The following AFG2A variants were observed in gnomAD, a reference collection of about 807,000 sequenced individuals.
AFG2A encodes ATPase family gene 2 protein homolog A.
the AFG2A span, among the ~76,000 whole-genome samples, chr4:123,105,616 G>A: frequency 1.3e-5 from 2 of 152,016 alleles, no homozygotes; most frequent in Non-Finnish European, 2.9e-5. Context: ...GTGAAAATAC[G>A]TCAACTTTAA....
At chr4:123,272,185 A>T in the AFG2A span, among the ~76,000 whole-genome samples, 3 of 152,152 alleles carry the variant, frequency 2.0e-5, no homozygotes, top group Non-Finnish European at 4.4e-5. Flanking sequence ...ACTGGTAGAA[A>T]ATGTTTTGCT....
At chr4:123,242,515 A>C in the AFG2A span, among the ~76,000 whole-genome samples, 1 of 152,248 alleles carries the variant, frequency 6.6e-6, no homozygotes, top group African/African-American at 2.4e-5. Flanking sequence ...TCCCTATTTA[A>C]TACATGGTGC....
chr4:123,004,106 C>G, the AFG2A span, among the ~76,000 whole-genome samples: 1 of 152,338 alleles, frequency 6.6e-6, no homozygotes, highest in South Asian at 2.1e-4. Context: ...GTAGGACCCT[C>G]TGAGCCAGGT....
At chr4:123,077,153 T>C in the AFG2A span, among the ~76,000 whole-genome samples, 2 of 150,628 alleles carry the variant, frequency 1.3e-5, no homozygotes, top group African/African-American at 4.9e-5. Context: ...GTTCACACCA[T>C]TGTCTTGCCT....
chr4:123,007,528 CTA>C, the AFG2A span, among the ~76,000 whole-genome samples: 90 of 136,788 alleles, frequency 6.6e-4, no homozygotes, highest in Non-Finnish European at 9.0e-4. Flanking sequence ...TTCTCCATGC[CTA>C]TATATATATA....
At chr4:123,022,356 C>T in the AFG2A span, among the ~76,000 whole-genome samples, 1 of 152,096 alleles carries the variant, frequency 6.6e-6, no homozygotes, top group South Asian at 2.1e-4. Context: ...CAAACAACCC[C>T]ATCAAAAAGT....
the AFG2A span, among the ~76,000 whole-genome samples, chr4:123,166,648 T>G: frequency 9.8e-5 from 15 of 152,320 alleles, no homozygotes; most frequent in Non-Finnish European, 2.2e-4. Context: ...ACTCAGCTCT[T>G]AATTGCCAAG....
the AFG2A span, among the ~76,000 whole-genome samples, chr4:122,944,614 C>T: frequency 6.6e-6 from 1 of 152,204 alleles, no homozygotes; most frequent in Admixed American, 6.5e-5. Flanking sequence ...GTTTGATCGT[C>T]TGAAGCCTTC....
chr4:123,006,291 T>G, the AFG2A span, among the ~76,000 whole-genome samples: 1 of 152,118 alleles, frequency 6.6e-6, no homozygotes, highest in Non-Finnish European at 1.5e-5. Context: ...CTTGTCTATA[T>G]AACATGTCCC....
At chr4:122,977,767 G>A in the AFG2A span, among the ~76,000 whole-genome samples, 1 of 152,240 alleles carries the variant, frequency 6.6e-6, no homozygotes. Context: ...AGGCAGAGAG[G>A]AGCTTCATTG....
At chr4:123,258,858 CTTTT>C in the AFG2A span, among the ~76,000 whole-genome samples, 989 of 90,278 alleles carry the variant, frequency 0.011, 8 homozygotes, top group African/African-American at 0.044. Flanking sequence ...GATACTGGTA[CTTTT>C]TTTTTTTTTT....
the AFG2A span, among the ~76,000 whole-genome samples, chr4:123,116,342 ATG>A: frequency 6.6e-6 from 1 of 152,250 alleles, no homozygotes; most frequent in Non-Finnish European, 1.5e-5. Context: ...CAAGCAGTGA[ATG>A]AGCTACACAG....
At chr4:123,072,844 G>A in the AFG2A span, among the ~76,000 whole-genome samples, 2 of 152,050 alleles carry the variant, frequency 1.3e-5, no homozygotes, top group South Asian at 4.2e-4. Flanking sequence ...TTCTTTCCTA[G>A]GGATAGAGAT....
At chr4:123,263,739 G>A in the AFG2A span, among the ~76,000 whole-genome samples, 1 of 152,106 alleles carries the variant, frequency 6.6e-6, no homozygotes, top group East Asian at 1.9e-4. Context: ...TGCTAAAAAG[G>A]GGACATCGTT....
At chr4:123,251,158 A>G in the AFG2A span, among the ~76,000 whole-genome samples, 1 of 152,190 alleles carries the variant, frequency 6.6e-6, no homozygotes, top group Non-Finnish European at 1.5e-5. Context: ...GCTGACATGT[A>G]TGCTGTATAT....
At chr4:123,075,827 C>T in the AFG2A span, among the ~76,000 whole-genome samples, 593 of 151,840 alleles carry the variant, frequency 3.9e-3, no homozygotes, top group Non-Finnish European at 6.8e-3. Flanking sequence ...CGTGGTGGCA[C>T]ATGCCTGTAA....
chr4:123,240,470 A>C, the AFG2A span, among the ~76,000 whole-genome samples: 1 of 152,224 alleles, frequency 6.6e-6, no homozygotes, highest in African/African-American at 2.4e-5. Flanking sequence ...CAGGATTAAG[A>C]AACTCACTCA....
At chr4:122,973,306 A>G in the AFG2A span, among the ~76,000 whole-genome samples, 1 of 152,088 alleles carries the variant, frequency 6.6e-6, no homozygotes, top group East Asian at 1.9e-4. Context: ...CAGATACATC[A>G]CTTGTATGCA....
the AFG2A span, among the ~76,000 whole-genome samples, chr4:122,978,740 A>G: frequency 6.6e-6 from 1 of 152,208 alleles, no homozygotes; most frequent in Admixed American, 6.5e-5. Context: ...ATTGGCACCC[A>G]AAGTCTGGAG....
Sources: allele counts gnomAD v4.1 joint callset (sites outside exome capture counted in the v4.1 genomes callset), GRCh38; gene constraint gnomAD v4.1.1; transcripts MANE v1.5; gene names NCBI Gene and HGNC (gene_info 2026-07-23, HGNC 2026-07-21).